Variants in STEAP3 observed in about 807,000 individuals in gnomAD.
The protein encoded by STEAP3 is metalloreductase STEAP3.
In STEAP3, 35 loss-of-function variants were observed where a neutral mutation model predicts 34.9. The ratio of observed to expected loss-of-function variants is 1.00; its 90% CI spans 0.76 to 1.33. The LOEUF is 1.33. Ranked by LOEUF, STEAP3 falls within the 40% of genes most tolerant of loss-of-function variation. STEAP3 has a pLI of 0.00. For missense variants in STEAP3, 652 were observed against 667.6 expected (o/e 0.98, Z 0.26); for synonymous variants, 281 against 301.6 (o/e 0.93, Z 0.71).
At chr2:119,233,149 G>T (rs1445865534) in intron 2 of STEAP3, among the ~76,000 whole-genome samples, 1 of 152,218 alleles carries the variant, frequency 6.6e-6, no homozygotes, top group Admixed American at 6.5e-5. Flanking sequence ...GGACTGGGCA[G>T]AACCCTCCAA....
At chr2:119,254,196 A>G (rs1573573935) in intron 4 of STEAP3, among the ~76,000 whole-genome samples, 1 of 151,686 alleles carries the variant, frequency 6.6e-6, no homozygotes, top group Non-Finnish European at 1.5e-5. Flanking sequence ...TCATTGGCTG[A>G]GGGGATTCAG....
At chr2:119,237,000 G>A (rs979259952) in intron 2 of STEAP3, among the ~76,000 whole-genome samples, 9 of 152,226 alleles carry the variant, frequency 5.9e-5, no homozygotes, top group African/African-American at 1.7e-4. Flanking sequence ...CAGAGGTCAC[G>A]GGGCTTAGGA....
intron 5 of STEAP3, among the ~76,000 whole-genome samples, chr2:119,258,489 T>C (rs776237236): frequency 2.0e-5 from 3 of 152,152 alleles, no homozygotes; most frequent in Admixed American, 6.5e-5. Context: ...CTAAAAACCA[T>C]TGAAACAGTG....
Position 119,264,043 on chromosome 2 carries a change from A to G in STEAP3, c.*705A>G. ...TTTTCCCTGAAAGTCAGAAGTCACC[A>G]TAGAGCCTGCAAATGGATCCTCCTG... On this transcript the variant is annotated 3_prime_UTR_variant, in exon 6 of 6. Coordinates refer to ENST00000393110, the MANE Select transcript of STEAP3 (RefSeq NM_182915.3). 1 of 155,474 alleles carries G rather than the reference A, an allele frequency of 6.4e-6. No homozygotes were observed. Among genetic ancestry groups the G allele is most frequent in the Non-Finnish European group, 1.4e-5 (1 of 69,858 alleles). The allele number at this position is 155,474 out of a possible 1,614,324, so 9.6% of individuals were successfully genotyped here.
intron 5 of STEAP3, chr2:119,257,382 C>T: frequency 7.2e-7 from 1 of 1,392,760 alleles, no homozygotes; most frequent in Non-Finnish European, 9.3e-7. Context: ...CATCCGTGGA[C>T]TCAGATGCTG....
chr2:119,233,350 T>C (rs1450639535), intron 2 of STEAP3, among the ~76,000 whole-genome samples: 1 of 152,250 alleles, frequency 6.6e-6, no homozygotes, highest in Non-Finnish European at 1.5e-5. Flanking sequence ...AGTGTTTACA[T>C]TCATCTTTGC....
intron 4 of STEAP3, chr2:119,249,088 G>C (rs2592075): frequency 0.06 from 9,177 of 152,468 alleles, 340 homozygotes; most frequent in Non-Finnish European, 0.082. Flanking sequence ...CTGAAAGAGA[G>C]AGTTGCCATC....
chr2:119,257,312 G>A, intron 5 of STEAP3: 4 of 1,063,450 alleles, frequency 3.8e-6, no homozygotes, highest in Admixed American at 4.0e-5. Context: ...GTGAGTCCCT[G>A]TCAAATAGGC....
intron 3 of STEAP3, among the ~76,000 whole-genome samples, chr2:119,247,063 C>T (rs1384935887): frequency 6.6e-6 from 1 of 152,152 alleles, no homozygotes; most frequent in Non-Finnish European, 1.5e-5. Context: ...GCAGTGTCAA[C>T]AAGGCCCACG....
chr2:119,250,453 A>G (rs1677590012), intron 4 of STEAP3, among the ~76,000 whole-genome samples: 1 of 152,132 alleles, frequency 6.6e-6, no homozygotes, highest in African/African-American at 2.4e-5. Flanking sequence ...AATGTTTTCA[A>G]TGCTCTTTGA....
chr2:119,259,115 G>C (rs1677869687), intron 5 of STEAP3, among the ~76,000 whole-genome samples: 1 of 152,108 alleles, frequency 6.6e-6, no homozygotes, highest in Admixed American at 6.5e-5. Flanking sequence ...AACTGCCTGT[G>C]ACCTTGCCCA....
At chr2:119,238,824 G>A (rs1246868755) in intron 2 of STEAP3, among the ~76,000 whole-genome samples, 3 of 152,198 alleles carry the variant, frequency 2.0e-5, no homozygotes, top group Non-Finnish European at 2.9e-5. Flanking sequence ...AAGGATTTCT[G>A]CCCCCAGAGG....
intron 5 of STEAP3, 132 bp from the exon 6 acceptor site, chr2:119,262,925 G>C: frequency 3.4e-6 from 4 of 1,193,286 alleles, no homozygotes; most frequent in Admixed American, 2.0e-5. Flanking sequence ...ACAGGACTGG[G>C]GTTCCAACCC....
At chr2:119,241,473 G>A (rs943197217) in intron 2 of STEAP3, among the ~76,000 whole-genome samples, 6 of 152,228 alleles carry the variant, frequency 3.9e-5, no homozygotes, top group African/African-American at 1.4e-4. Context: ...GAGAAGCTTT[G>A]GAGGTGCTTA....
intron 3 of STEAP3, among the ~76,000 whole-genome samples, chr2:119,247,155 G>A (rs898593390): frequency 4.6e-5 from 7 of 152,156 alleles, no homozygotes; most frequent in Non-Finnish European, 7.3e-5. Flanking sequence ...GGCGGAGAGG[G>A]CAGGCTGGAG....
Position 119,231,009 on chromosome 2 carries a change from C to A in STEAP3, c.-4C>A. 1 of 1,614,236 alleles carries A rather than the reference C, an allele frequency of 6.2e-7. No individual in the cohort carries two copies. ...TGAGAGCCTCAGACCCTCACGTCAGCCGGATGTCGCACCAGCCTGCTGTTG... is the reference window on the plus strand; with the variant it reads ...TGAGAGCCTCAGACCCTCACGTCAGACGGATGTCGCACCAGCCTGCTGTTG... On this transcript the variant is annotated 5_prime_UTR_variant, in exon 2 of 6. Coordinates refer to ENST00000393110, the MANE Select transcript of STEAP3 (RefSeq NM_182915.3).
chr2:119,247,399 G>A (rs984201771), intron 3 of STEAP3, among the ~76,000 whole-genome samples: 4 of 152,250 alleles, frequency 2.6e-5, no homozygotes, highest in African/African-American at 7.2e-5. Flanking sequence ...GGTTGCTGAT[G>A]TCCACGAGCT....
chr2:119,226,236 G>A (rs1171704907), intron 1 of STEAP3, among the ~76,000 whole-genome samples: 1 of 152,194 alleles, frequency 6.6e-6, no homozygotes, highest in Non-Finnish European at 1.5e-5. Flanking sequence ...GCAAGGGAAG[G>A]AAGCAGGTCA....
chr2:119,254,990 AC>A, intron 5 of STEAP3, 142 bp downstream of exon 5: 1 of 1,091,914 alleles, frequency 9.2e-7, no homozygotes. Flanking sequence ...GGCCTTCCTG[AC>A]CCAGAGGGCC....
Sources: allele counts gnomAD v4.1 joint callset (sites outside exome capture counted in the v4.1 genomes callset), GRCh38; gene constraint gnomAD v4.1.1; transcripts MANE v1.5; gene names NCBI Gene and HGNC (gene_info 2026-07-23, HGNC 2026-07-21).